CES2: variants seen among roughly 807,000 people sequenced by gnomAD.
The protein encoded by CES2 is cocaine esterase.
In CES2, 42 loss-of-function variants were observed where a neutral mutation model predicts 52.1. The observed-to-expected ratio is 0.81, with a 90% confidence interval of 0.63 to 1.04. The LOEUF (loss-of-function observed/expected upper bound fraction) is 1.04, where lower values mean the gene tolerates loss of function less well. Among genes scored for constraint, CES2 ranks in the 50% least tolerant of loss-of-function variants. CES2 has a pLI of 0.00. For missense variants in CES2, 656 were observed against 724.3 expected (o/e 0.91, Z 1.08); for synonymous variants, 277 against 289.6 (o/e 0.96, Z 0.44).
chr16:66,939,302 T>C lies in CES2; in HGVS notation c.367T>C (p.Cys123Arg). The C allele has an allele frequency of 6.2e-7, 1 of 1,613,800 alleles. No individual in the cohort carries two copies. Among genetic ancestry groups the C allele is most frequent in the Non-Finnish European group, 8.5e-7 (1 of 1,179,714 alleles). Residue 123 changes from cysteine to arginine, a missense_variant, in exon 3 of 12, where the codon TGC (cysteine) becomes CGC (arginine). Transcript: ENST00000317091. ...CCCTTCCGACTCCATGTCTGAGGAC[T>C]GCCTGTACCTCAGCATCTACACGCC... ...TFPSDSMSED[C>R]LYLSIYTPAH...
upstream of CES2, chr16:66,935,401 T>C (rs767034071): frequency 6.5e-7 from 1 of 1,538,270 alleles, no homozygotes; most frequent in East Asian, 2.3e-5. Flanking sequence ...CAAAGGAAAG[T>C]GGCCGTGCCC....
In CES2 at chr16:66,935,552, A is replaced by C; in HGVS notation, c.-84A>C. The C allele has an allele frequency of 6.2e-7, 1 of 1,614,032 alleles. No homozygotes were observed. On this transcript the variant is annotated 5_prime_UTR_variant, in exon 1 of 12. Transcript: ENST00000317091. The stretch of plus-strand genomic sequence containing the variant: ...AACTCCAAGGCTGGGCAAGGCACTG[A>C]TCCACTGCTGGACAGACCCGGGGCA...
rs765192827 is a variant in CES2 at position 66,942,674 on chromosome 16, GA to G, written c.1310del (p.Glu437GlyfsTer17). On this transcript the variant is annotated frameshift_variant, in exon 10 of 12. Coordinates refer to ENST00000317091, the MANE Select transcript of CES2 (RefSeq NM_001365405.1). LOFTEE classifies it high-confidence loss of function. ...QCSRAPVYFY[E>X]FQHQPSWLKN... ...TTCCCGGGCCCCTGTGTACTTCTAC[GA>G]GTTCCAGCATCAGCCCAGCTGGCTC... 1.2e-6 allele frequency: 2 copies of G among 1,614,076 alleles called. No homozygotes were observed. The highest frequency in any genetic ancestry group is 2.7e-5 in the African/African-American group (2 of 74,928).
chr16:66,937,424 C>T (rs1200251514), intron 1 of CES2, among the ~76,000 whole-genome samples: 1 of 152,156 alleles, frequency 6.6e-6, no homozygotes, highest in African/African-American at 2.4e-5. Flanking sequence ...TTCATCTAAA[C>T]AGTCATAAAC....
At chr16:66,935,147 C>G (rs1239740041), upstream of CES2, 3 of 354,814 alleles carry the variant, frequency 8.5e-6, no homozygotes, top group Non-Finnish European at 1.5e-5. Flanking sequence ...TGCCTTTGCT[C>G]AAGCGGTTCC....
chr16:66,936,101 A>C (rs1230187653), intron 1 of CES2: 5 of 915,936 alleles, frequency 5.5e-6, no homozygotes, highest in Non-Finnish European at 7.0e-6. Context: ...TTCTGGCAGC[A>C]TCTGGCTCTC....
rs1963365043 is a variant in CES2, at chr16:66,941,592, T to C, written c.1002T>C (p.Pro334=). The stretch of plus-strand genomic sequence containing the variant: ...TGCTGGCCTCTGCCGACTTTCAGCC[T>C]GTCCCTAGCATTGTTGGTGTCAACA... ...QELLASADFQ[P]VPSIVGVNNN... Residue 334 remains proline, a synonymous_variant, in exon 7 of 12, where the codon CCT becomes CCC. Coordinates refer to ENST00000317091, the MANE Select transcript of CES2 (RefSeq NM_001365405.1). 1 of 1,614,134 alleles carries C rather than the reference T, an allele frequency of 6.2e-7. No homozygotes were observed. The highest frequency in any genetic ancestry group is 8.5e-7 in the Non-Finnish European group (1 of 1,180,010).
At chr16:66,941,440 T>C in intron 6 of CES2, 66 bp from the exon 7 acceptor site, 1 of 1,582,554 alleles carries the variant, frequency 6.3e-7, no homozygotes, top group South Asian at 1.2e-5. Flanking sequence ...GAGTGGAAGG[T>C]ACTCAGAGGG....
At chr16:66,939,988 A>G (rs1963315627) in intron 3 of CES2, among the ~76,000 whole-genome samples, 1 of 152,198 alleles carries the variant, frequency 6.6e-6, no homozygotes, top group African/African-American at 2.4e-5. Context: ...ACTTTGGTGA[A>G]TTATCTGGGG....
rs1318538675 is a variant in CES2, at chr16:66,944,028, C to G, written c.*3C>G. The G allele has an allele frequency of 4.0e-6, 6 of 1,487,322 alleles. No homozygotes were observed. Among genetic ancestry groups the G allele is most frequent in the African/African-American group, 1.4e-5 (1 of 71,540 alleles). 92.1% of individuals were successfully genotyped at this position (1,487,322 alleles called of 1,614,324 possible). ...AAGAGAGACACACAGAGCTGTAGCT[C>G]CCTGTGCCGGGGAGGAGGGGGTGGG... On this transcript the variant is annotated 3_prime_UTR_variant, in exon 12 of 12. Coordinates refer to ENST00000317091, the MANE Select transcript of CES2 (RefSeq NM_001365405.1).
In CES2 at chr16:66,943,453, C is replaced by T; in HGVS notation, c.1493+82C>T. ...GTGCTCTCCTAGTCTGGGGTGACCT[C>T]ATGAGCACACCCGCATCCTTCATCA... On this transcript the variant is annotated intron_variant, in intron 11 of 11. Transcript: ENST00000317091. This position sits in a 1 kb window ranked among gnomAD's most constrained non-coding sequence, Gnocchi z 4.2. The T allele has an allele frequency of 7.0e-7, 1 of 1,421,966 alleles. No homozygotes were observed. Among genetic ancestry groups the T allele is most frequent in the Non-Finnish European group, 9.9e-7 (1 of 1,010,720 alleles). 88.1% of individuals were successfully genotyped at this position (1,421,966 alleles called of 1,614,324 possible). A position where few individuals can be genotyped will look rare whatever the true frequency, so the allele number is the denominator to read the frequency against.
At chr16:66,941,012 A>G in intron 5 of CES2, 112 bp from the exon 6 acceptor site, 1 of 1,461,404 alleles carries the variant, frequency 6.8e-7, no homozygotes, top group Non-Finnish European at 9.2e-7. Context: ...GCAGGAACTC[A>G]TACGAAGTAC....
upstream of CES2, chr16:66,935,514 C>T (rs761750728): frequency 1.9e-6 from 3 of 1,614,224 alleles, no homozygotes; most frequent in East Asian, 4.5e-5. Flanking sequence ...CCGCTGACTC[C>T]CTGCCCAGTC....
At chr16:66,935,442 C>T, upstream of CES2, 1 of 1,597,904 alleles carries the variant, frequency 6.3e-7, no homozygotes, top group Non-Finnish European at 8.6e-7. Context: ...CCCCACCCAC[C>T]TATGACTGCT....
At position 66,938,136 on chromosome 16, in the gene CES2, TG is replaced by T. The variant is rs771818907; in HGVS notation, c.179del (p.Gly60GlufsTer9). ...GCCAATGCCGGGGTCCAAACCTTCC[TG>T]GGAATTCCATTTGCCAAGCCACCTC... ...KGANAGVQTF[L>X]GIPFAKPPLG... On this transcript the variant is annotated frameshift_variant, in exon 2 of 12. Coordinates refer to ENST00000317091, the MANE Select transcript of CES2 (RefSeq NM_001365405.1). LOFTEE classifies it high-confidence loss of function. The T allele has an allele frequency of 1.9e-6, 3 of 1,614,174 alleles. No homozygotes were observed. The highest frequency in any genetic ancestry group is 4.5e-5 in the East Asian group (2 of 44,876).
rs1310482417 is a variant in CES2, at chr16:66,938,186, C to A, written c.226C>A (p.Pro76Thr). ...TCTAGGTCCGCTGCGATTTGCACCC[C>A]CTGAGCCCCCTGAATCTTGGAGTGG... ...PPLGPLRFAP[P>T]EPPESWSGVR... Residue 76 changes from proline (P) to threonine (T), a missense_variant, in exon 2 of 12, where the codon CCT (proline) becomes ACT (threonine). Pro to Thr is a conservative substitution (Grantham distance 38). Coordinates refer to ENST00000317091, the MANE Select transcript of CES2 (RefSeq NM_001365405.1). 7 of 1,614,060 alleles carry A rather than the reference C, an allele frequency of 4.3e-6. No individual in the cohort carries two copies. In the African/African-American group the frequency reaches 8.0e-5, roughly 18 times the overall value.
rs749539247 is a variant in CES2 at position 66,942,751 on chromosome 16, T to C, written c.1386T>C (p.Pro462=). Reference sequence around the variant, plus strand: ...AGGCAGACCATGGTGATGAGCTTCCTTTTGTTTTCAGAAGTTTCTTTGGGG... The same window carrying C: ...AGGCAGACCATGGTGATGAGCTTCCCTTTGTTTTCAGAAGTTTCTTTGGGG... ...HMKADHGDEL[P]FVFRSFFGGN... is the part of the protein sequence containing the mutation. The change falls in exon 10 of 12, where the codon CCT becomes CCC. Residue 462 remains proline, a synonymous_variant. Coordinates refer to ENST00000317091, the MANE Select transcript of CES2 (RefSeq NM_001365405.1). 5 of 1,614,252 alleles carry C rather than the reference T, an allele frequency of 3.1e-6. No homozygotes were observed. The South Asian group carries it at 5.5e-5, about 18-fold the overall frequency.
rs1385930040 is a variant in CES2 at position 66,941,443 on chromosome 16, T to C, written c.916-63T>C. ...TAAACTGGGAAGGAGTGGAAGGTAC[T>C]CAGAGGGCATCGGAAGATGTCTGGG... On this transcript the variant is annotated intron_variant, in intron 6 of 11. Transcript: ENST00000317091. The C allele has an allele frequency of 9.4e-6, 15 of 1,590,720 alleles. No homozygotes were observed. In the Admixed American group the frequency reaches 2.2e-4, roughly 23 times the overall value.
rs1364680551 is a variant in CES2, at chr16:66,943,815, C to T, written c.1494-24C>T. Reference sequence around the variant, plus strand: ...GGGCCCAGAGTGACCCTCATACTGCCCTGCTGGGATGGCATGTCTACAGGA... The same window carrying T: ...GGGCCCAGAGTGACCCTCATACTGCTCTGCTGGGATGGCATGTCTACAGGA... On this transcript the variant is annotated intron_variant, in intron 11 of 11. Coordinates refer to ENST00000317091, the MANE Select transcript of CES2 (RefSeq NM_001365405.1). This position sits in a 1 kb window ranked among gnomAD's most constrained non-coding sequence, Gnocchi z 4.2. 1.9e-6 allele frequency: 3 copies of T among 1,568,426 alleles called. No homozygotes were observed. Among genetic ancestry groups the T allele is most frequent in the Admixed American group, 3.5e-5 (2 of 57,758 alleles).
Sources: gnomAD v4.1 joint callset for allele counts (sites outside exome capture counted in the v4.1 genomes callset) on GRCh38, gnomAD v4.1.1 for gene constraint, Gnocchi (gnomAD v3.1) non-coding constraint, MANE v1.5 for transcripts, NCBI Gene and HGNC (gene_info 2026-07-23, HGNC 2026-07-21) for gene names.